ASIC2: variants seen among roughly 807,000 people sequenced by gnomAD.
The protein encoded by ASIC2 is acid sensing ion channel subunit 2, also known as acid-sensing ion channel 2.
ASIC2 carries 25 observed loss-of-function variants against 57.3 expected under a neutral mutation model. The observed-to-expected ratio is 0.44, with a 90% confidence interval of 0.32 to 0.61. The LOEUF is 0.61. ASIC2 is among the 20% of genes least tolerant of loss of function. The pLI is 0.06. For synonymous variants in ASIC2, 319 were observed against 307.5 expected, an observed-to-expected ratio of 1.04 and a Z score of -0.39; for missense variants, 641 against 738.1, an observed-to-expected ratio of 0.87 and a Z score of 1.52.
At chr17:33,661,940 G>C (rs758751058) in intron 1 of ASIC2, among the ~76,000 whole-genome samples, 1 of 152,110 alleles carries the variant, frequency 6.6e-6, no homozygotes, top group South Asian at 2.1e-4. Context: ...ACTTTACTTC[G>C]CTCTGTCCCC....
At chr17:33,990,397 C>T (rs184325986) in intron 1 of ASIC2, among the ~76,000 whole-genome samples, 2 of 152,130 alleles carry the variant, frequency 1.3e-5, no homozygotes, top group South Asian at 2.1e-4. Context: ...CAATTGGGAT[C>T]GAGTCTTGGA....
At chr17:33,439,266 G>C (rs566366835) in intron 1 of ASIC2, among the ~76,000 whole-genome samples, 115 of 152,292 alleles carry the variant, frequency 7.6e-4, no homozygotes, top group Non-Finnish European at 1.4e-3. Context: ...GGAGTGAAAG[G>C]GGACAAGGCC....
intron 1 of ASIC2, among the ~76,000 whole-genome samples, chr17:33,284,953 T>A (rs892673097): frequency 1.3e-5 from 2 of 152,212 alleles, no homozygotes; most frequent in African/African-American, 4.8e-5. Flanking sequence ...CAGAAACAGA[T>A]CAGACTTATG....
At chr17:33,892,698 C>A (rs1914995804) in intron 1 of ASIC2, among the ~76,000 whole-genome samples, 1 of 152,218 alleles carries the variant, frequency 6.6e-6, no homozygotes. Context: ...GTTCCTGGCA[C>A]ACAGAAATCA....
chr17:33,248,198 A>G (rs1205201658), intron 1 of ASIC2, among the ~76,000 whole-genome samples: 2 of 152,172 alleles, frequency 1.3e-5, no homozygotes, highest in East Asian at 1.9e-4. Context: ...CTCACGAAAG[A>G]ACATTCCAGG....
chr17:33,748,322 A>G (rs975396884), intron 1 of ASIC2, among the ~76,000 whole-genome samples: 1 of 151,980 alleles, frequency 6.6e-6, no homozygotes, highest in Non-Finnish European at 1.5e-5. Flanking sequence ...TTGAACCCCA[A>G]ACTCTGGTCC....
intron 1 of ASIC2, among the ~76,000 whole-genome samples, chr17:33,331,842 G>C (rs1435784051): frequency 6.6e-6 from 1 of 152,196 alleles, no homozygotes; most frequent in Admixed American, 6.5e-5. Flanking sequence ...TAGTCATTCT[G>C]CTAGAAGCAA....
chr17:33,025,971 A>G lies in ASIC2; in HGVS notation c.1150T>C (p.Phe384Leu), dbSNP rs771519367. 1.2e-6 allele frequency: 2 copies of G among 1,613,644 alleles called. No individual in the cohort carries two copies. Among genetic ancestry groups the G allele is most frequent in the African/African-American group, 1.3e-5 (1 of 74,902 alleles). The change falls in exon 5 of 10, where the codon TTT becomes CTT. Residue 384 changes from phenylalanine (F) to leucine (L), a missense_variant. This residue lies in a region of ASIC2 where 252 missense variants were observed against 319.8 expected (regional missense o/e 0.79). Coordinates refer to ENST00000225823, the MANE Select transcript of ASIC2 (RefSeq NM_183377.2). ...RMVHMPGDAPFCTPEQHKECA... is the reference protein window; with the variant it reads ...RMVHMPGDAPLCTPEQHKECA... ...TCCTTGTGCTGCTCAGGGGTACAAA[A>G]AGGGGCATCCCCTGCAAAGAAGAAA...
intron 1 of ASIC2, among the ~76,000 whole-genome samples, chr17:33,420,261 G>A (rs147189809): frequency 6.6e-6 from 1 of 152,336 alleles, no homozygotes; most frequent in Non-Finnish European, 1.5e-5. Flanking sequence ...GAAAGCTATG[G>A]TTCATGCTTT....
chr17:33,930,957 C>T (rs959330858), intron 1 of ASIC2, among the ~76,000 whole-genome samples: 1 of 152,134 alleles, frequency 6.6e-6, no homozygotes, highest in African/African-American at 2.4e-5. Context: ...CTCTCTCTGC[C>T]GCCCAGGCTG....
intron 1 of ASIC2, among the ~76,000 whole-genome samples, chr17:33,600,273 C>G (rs72827210): frequency 0.014 from 2,154 of 152,352 alleles, 35 homozygotes; most frequent in East Asian, 0.072. Flanking sequence ...CTCCTTTCCT[C>G]TCTCTTTTGT....
chr17:33,407,711 A>C (rs1445297116), intron 1 of ASIC2, among the ~76,000 whole-genome samples: 1 of 152,262 alleles, frequency 6.6e-6, no homozygotes, highest in African/African-American at 2.4e-5. Context: ...GGGGAAAATT[A>C]GATTGGATAA....
At chr17:33,908,622 C>T (rs1389641751) in intron 1 of ASIC2, among the ~76,000 whole-genome samples, 1 of 152,216 alleles carries the variant, frequency 6.6e-6, no homozygotes, top group African/African-American at 2.4e-5. Context: ...CCAACAGTTT[C>T]TGGCTTAATG....
chr17:33,874,175 T>C (rs553442968), intron 1 of ASIC2, among the ~76,000 whole-genome samples: 1 of 152,282 alleles, frequency 6.6e-6, no homozygotes, highest in Non-Finnish European at 1.5e-5. Context: ...AGAGAGAATG[T>C]TGCCTCTGTC....
At chr17:33,058,920 A>G (rs1257235742) in intron 3 of ASIC2, among the ~76,000 whole-genome samples, 2 of 152,190 alleles carry the variant, frequency 1.3e-5, no homozygotes, top group Non-Finnish European at 2.9e-5. Context: ...TAAGTAAATT[A>G]TATGTCTGTT....
At chr17:33,390,980 A>C (rs868457793) in intron 1 of ASIC2, among the ~76,000 whole-genome samples, 4 of 152,342 alleles carry the variant, frequency 2.6e-5, no homozygotes, top group South Asian at 4.1e-4. Flanking sequence ...TGCCTGCTGC[A>C]TGCTGCTTTC....
intron 3 of ASIC2, among the ~76,000 whole-genome samples, chr17:33,057,041 G>A (rs185481987): frequency 2.1e-4 from 32 of 152,254 alleles, no homozygotes; most frequent in Non-Finnish European, 2.5e-4. Context: ...TTAAGGAGGT[G>A]GGAAGGGAAT....
Position 33,292,068 on chromosome 17 carries a change from G to T in ASIC2, c.48C>A (p.Gly16=). 1 of 1,085,216 alleles carries T rather than the reference G, an allele frequency of 9.2e-7. No homozygotes were observed. The highest frequency in any genetic ancestry group is 6.3e-5 in the East Asian group (1 of 15,946). The allele number at this position is 1,085,216 out of a possible 1,614,324, so 67.2% of individuals were successfully genotyped here. The part of the protein sequence containing the change: ...GAGLPAAALT[G]PGRFRMAREE... Reference sequence around the variant, plus strand: ...CGCGGGCCATGCGGAAGCGTCCCGGGCCGGTGAGCGCGGCTGCGGGCAGCC... The same window carrying T: ...CGCGGGCCATGCGGAAGCGTCCCGGTCCGGTGAGCGCGGCTGCGGGCAGCC... The change falls in exon 1 of 10, where the codon GGC becomes GGA. Residue 16 remains glycine (G), a synonymous_variant. Coordinates refer to ENST00000225823, the MANE Select transcript of ASIC2 (RefSeq NM_183377.2).
intron 1 of ASIC2, among the ~76,000 whole-genome samples, chr17:33,921,757 T>C (rs1325331226): frequency 6.6e-6 from 1 of 152,200 alleles, no homozygotes; most frequent in East Asian, 1.9e-4. Flanking sequence ...CACAGTGCAT[T>C]CAGTCCTGAT....
Sources: allele counts gnomAD v4.1 joint callset (sites outside exome capture counted in the v4.1 genomes callset), GRCh38; gene constraint gnomAD v4.1.1; regional missense constraint gnomAD v4.1.1; transcripts MANE v1.5; gene names NCBI Gene and HGNC (gene_info 2026-07-23, HGNC 2026-07-21).